The following AHI1 variants were observed in gnomAD, a reference collection of about 807,000 sequenced individuals.
The protein encoded by AHI1 is Abelson helper integration site 1.
A neutral mutation model predicts 149.3 loss-of-function variants in AHI1; 123 were observed. That is an observed-to-expected ratio of 0.82 (90% confidence interval 0.71 to 0.96). AHI1 has a LOEUF of 0.96. AHI1 is among the 40% of genes least tolerant of loss of function. The probability of loss-of-function intolerance (pLI) is 0.00; values close to 1 mark genes in which losing one functional copy is unlikely to be tolerated. For synonymous variants in AHI1, 475 were observed against 459.8 expected (o/e 1.03, Z -0.42); for missense variants, 1,439 against 1,422.7 (o/e 1.01, Z -0.18).
rs1203229069 is a variant in AHI1, at chr6:135,358,139, G to A, written c.3158C>T (p.Ala1053Val). The change falls in exon 24 of 29, where the codon GCA (alanine) becomes GTA (valine). Residue 1053 changes from alanine to valine, a missense_variant. Transcript: ENST00000265602. ...AGCAACAGACTGTCTTACCGTTGGTGCTGTATCTACCTGATGGTTACAAGG... is the reference window on the plus strand; with the variant it reads ...AGCAACAGACTGTCTTACCGTTGGTACTGTATCTACCTGATGGTTACAAGG... ...RKPCNHQVDT[A>V]PTVVALYDYT... 1.7e-5 allele frequency: 28 copies of A among 1,612,408 alleles called. No homozygotes were observed. The highest frequency in any genetic ancestry group is 2.4e-5 in the Non-Finnish European group (28 of 1,179,004).
chr6:135,490,007 A>G, intron 5 of AHI1: 2 of 494,728 alleles, frequency 4.0e-6, no homozygotes, highest in Non-Finnish European at 7.1e-6. Flanking sequence ...AAGTAGGGAG[A>G]TAGGTATAAA....
At chr6:135,340,689 A>T (rs970818820) in intron 24 of AHI1, among the ~76,000 whole-genome samples, 1 of 138,598 alleles carries the variant, frequency 7.2e-6, no homozygotes, top group South Asian at 2.2e-4. Context: ...ATATATATAT[A>T]TATATATGTT....
chr6:135,448,030 T>C (rs527405705), intron 12 of AHI1, among the ~76,000 whole-genome samples: 1 of 152,356 alleles, frequency 6.6e-6, no homozygotes, highest in South Asian at 2.1e-4. Context: ...CAACTCCTGC[T>C]TTAAATCAAC....
intron 24 of AHI1, among the ~76,000 whole-genome samples, chr6:135,338,193 G>A (rs1395364084): frequency 6.6e-6 from 1 of 151,462 alleles, no homozygotes; most frequent in African/African-American, 2.4e-5. Flanking sequence ...CCAGCTACTC[G>A]GGAAGCTGAG....
chr6:135,285,680 A>C, intron 28 of AHI1, 33 bp from the exon 29 acceptor site: 1 of 1,565,380 alleles, frequency 6.4e-7, no homozygotes, highest in Non-Finnish European at 8.7e-7. Context: ...TGTACTAAAT[A>C]AACTTGAATA....
At chr6:135,459,776 T>C (rs1445622734) in intron 8 of AHI1, among the ~76,000 whole-genome samples, 4 of 148,716 alleles carry the variant, frequency 2.7e-5, no homozygotes, top group Non-Finnish European at 5.9e-5. Flanking sequence ...AATAAAGAGA[T>C]TAAATCTTGA....
At chr6:135,466,780 C>A (rs1271563661) in intron 6 of AHI1, among the ~76,000 whole-genome samples, 1 of 152,046 alleles carries the variant, frequency 6.6e-6, no homozygotes, top group Non-Finnish European at 1.5e-5. Flanking sequence ...ATACATGGGT[C>A]ATTTATTTTG....
chr6:135,454,082 C>A (rs147136927), intron 10 of AHI1, among the ~76,000 whole-genome samples: 1 of 152,264 alleles, frequency 6.6e-6, no homozygotes, highest in African/African-American at 2.4e-5. Flanking sequence ...AGACTCCAAT[C>A]ATCTGTGCTT....
intron 23 of AHI1, among the ~76,000 whole-genome samples, chr6:135,386,832 T>C (rs983185020): frequency 1.3e-5 from 2 of 152,168 alleles, no homozygotes; most frequent in African/African-American, 4.8e-5. Context: ...GGTTTCATCA[T>C]GTTGGCCAGG....
chr6:135,472,345 A>G (rs1583411689), intron 5 of AHI1, among the ~76,000 whole-genome samples: 1 of 152,174 alleles, frequency 6.6e-6, no homozygotes, highest in East Asian at 1.9e-4. Context: ...GGATTCATCC[A>G]TGTTGCTTTA....
intron 27 of AHI1, among the ~76,000 whole-genome samples, 185 bp from the exon 28 acceptor site, chr6:135,290,710 T>C (rs1222464091): frequency 6.6e-6 from 1 of 152,192 alleles, no homozygotes; most frequent in Non-Finnish European, 1.5e-5. Context: ...AAGGAATTGC[T>C]TAAAATAACG....
chr6:135,340,671 A>ATATATG lies in AHI1; in HGVS notation c.3166-17348_3166-17347insCATATA, dbSNP rs1239589365. 2.3e-4 allele frequency among the ~76,000 whole-genome samples: 29 copies of ATATATG among 127,056 alleles called. 1 individual carries two copies. The highest frequency in any genetic ancestry group is 9.8e-4 in the South Asian group (4 of 4,086). The allele number at this position is 127,056 out of a possible 152,430, so 83.4% of individuals were successfully genotyped here. A position where few individuals can be genotyped will look rare whatever the true frequency, so the allele number is the denominator to read the frequency against. On this transcript the variant is annotated intron_variant, in intron 24 of 28. Transcript: ENST00000265602. ...TATACATACATACATATATATATATATATATATATATATATATATATATAT... is the reference window on the plus strand; with the variant it reads ...TATACATACATACATATATATATATATATATGTATATATATATATATATATATATAT...
chr6:135,362,873 T>A (rs1016886773), intron 23 of AHI1, among the ~76,000 whole-genome samples: 1 of 152,026 alleles, frequency 6.6e-6, no homozygotes, highest in Non-Finnish European at 1.5e-5. Flanking sequence ...TTAAGTTCCA[T>A]CTATTTATCT....
chr6:135,488,481 G>C (rs1322754300), intron 5 of AHI1, among the ~76,000 whole-genome samples: 2 of 152,228 alleles, frequency 1.3e-5, no homozygotes, highest in Non-Finnish European at 2.9e-5. Context: ...TGCAGAGACT[G>C]TGGTCTTAAA....
intron 23 of AHI1, among the ~76,000 whole-genome samples, chr6:135,363,875 G>A (rs1434726788): frequency 5.4e-5 from 8 of 149,300 alleles, no homozygotes; most frequent in Admixed American, 2.6e-4. Flanking sequence ...CGGACGGGGC[G>A]GCTGGCCGGA....
intron 6 of AHI1, among the ~76,000 whole-genome samples, chr6:135,466,850 C>A (rs925979341): frequency 6.6e-6 from 1 of 152,090 alleles, no homozygotes; most frequent in African/African-American, 2.4e-5. Context: ...TGCAGTAAAT[C>A]TAAGTGTATC....
In AHI1 at chr6:135,341,108, T is replaced by C. The variant is rs140341624; in HGVS notation, c.3165+17024A>G. ...AAACCAAATTGTAGACATCATCCTATCTTATCAGTAATTTCACTAAGTGTA... is the reference window on the plus strand; with the variant it reads ...AAACCAAATTGTAGACATCATCCTACCTTATCAGTAATTTCACTAAGTGTA... On this transcript the variant is annotated intron_variant, in intron 24 of 28. Transcript: ENST00000265602. Among the ~76,000 whole-genome samples, 73 of 152,188 alleles carry C rather than the reference T, an allele frequency of 4.8e-4. 1 individual carries two copies. Among genetic ancestry groups the C allele is most frequent in the African/African-American group, 1.6e-3 (68 of 41,574 alleles).
chr6:135,288,240 AT>A (rs1394758492), intron 28 of AHI1, among the ~76,000 whole-genome samples: 3 of 152,078 alleles, frequency 2.0e-5, no homozygotes, highest in Non-Finnish European at 2.9e-5. Context: ...TATGTATTAA[AT>A]AATAGCCCCT....
At chr6:135,467,533 A>G (rs755591462) in intron 6 of AHI1, 48 bp downstream of exon 6, 13 of 1,470,866 alleles carry the variant, frequency 8.8e-6, no homozygotes, top group African/African-American at 4.2e-5. Context: ...ATTTGTTTTT[A>G]GTGACTCTCA....
Sources: gnomAD v4.1 joint callset for allele counts (sites outside exome capture counted in the v4.1 genomes callset) on GRCh38, gnomAD v4.1.1 for gene constraint, MANE v1.5 for transcripts, NCBI Gene and HGNC (gene_info 2026-07-23, HGNC 2026-07-21) for gene names.